RASGEF1C: variants seen among roughly 807,000 people sequenced by gnomAD.
RASGEF1C encodes the protein RasGEF domain family member 1C, also known as ras-GEF domain-containing family member 1C.
Under a neutral mutation model 58.1 loss-of-function variants are expected in RASGEF1C, and 27 were observed. That is an observed-to-expected ratio of 0.46 (90% CI 0.34 to 0.64). The LOEUF (loss-of-function observed/expected upper bound fraction) is 0.64, where lower values mean the gene tolerates loss of function less well. Among genes scored for constraint, RASGEF1C ranks in the 30% least tolerant of loss-of-function variants. The pLI, the probability that RASGEF1C is intolerant of heterozygous loss-of-function variation, is 0.01. For synonymous variants in RASGEF1C, 243 were observed against 246.3 expected (o/e 0.99, Z 0.13); for missense variants, 502 against 605.1 (o/e 0.83, Z 1.79).
At position 180,128,101 on chromosome 5, in the gene RASGEF1C, T is replaced by C. The variant is rs564344899; in HGVS notation, c.639+309A>G. Among the ~76,000 whole-genome samples, 376 of 152,298 alleles carry C rather than the reference T, an allele frequency of 2.5e-3. 2 individuals carry two copies. The highest frequency in any genetic ancestry group is 8.6e-3 in the African/African-American group (356 of 41,566). The stretch of plus-strand genomic sequence containing the variant: ...CCTTTCTGGGCCTTAGTTTCCTCTG[T>C]GTACAGGGCCTGCCTGGCCAGGTGA... On this transcript the variant is annotated intron_variant, in intron 5 of 13. Coordinates refer to ENST00000361132, the MANE Select transcript of RASGEF1C (RefSeq NM_175062.4).
intron 1 of RASGEF1C, among the ~76,000 whole-genome samples, chr5:180,160,035 C>T (rs377154883): frequency 9.8e-4 from 150 of 152,322 alleles, no homozygotes; most frequent in African/African-American, 1.9e-3. Flanking sequence ...AAAATTTGCC[C>T]CAGGGGATAC....
intron 1 of RASGEF1C, among the ~76,000 whole-genome samples, chr5:180,201,633 C>A (rs1219567871): frequency 6.6e-6 from 1 of 152,228 alleles, no homozygotes; most frequent in Admixed American, 6.5e-5. Flanking sequence ...ACACGCAACA[C>A]CTCAACTTGA....
At chr5:180,131,217 G>A (rs554828157) in intron 4 of RASGEF1C, among the ~76,000 whole-genome samples, 14 of 152,104 alleles carry the variant, frequency 9.2e-5, no homozygotes, top group Admixed American at 2.0e-4. Flanking sequence ...ATGCCTCCAT[G>A]GCTTGTGCAA....
At chr5:180,139,341 C>T (rs1481413330) in intron 1 of RASGEF1C, among the ~76,000 whole-genome samples, 1 of 152,226 alleles carries the variant, frequency 6.6e-6, no homozygotes, top group Non-Finnish European at 1.5e-5. Flanking sequence ...CTGAGGCTCC[C>T]CTGCTCATGC....
chr5:180,178,623 T>C (rs552674522), intron 1 of RASGEF1C, among the ~76,000 whole-genome samples: 1 of 152,054 alleles, frequency 6.6e-6, no homozygotes, highest in East Asian at 1.9e-4. Context: ...GTTTTCTGAG[T>C]CCTTAAGTCT....
At chr5:180,122,212 C>T (rs904077743) in intron 6 of RASGEF1C, among the ~76,000 whole-genome samples, 2 of 152,206 alleles carry the variant, frequency 1.3e-5, no homozygotes, top group Non-Finnish European at 2.9e-5. Flanking sequence ...CCCCCGGGAG[C>T]GATGGTTCTG....
chr5:180,181,238 G>A (rs1157033965), intron 1 of RASGEF1C, among the ~76,000 whole-genome samples: 3 of 152,146 alleles, frequency 2.0e-5, no homozygotes, highest in Non-Finnish European at 4.4e-5. Flanking sequence ...AAACATAAAA[G>A]ACTTAAAAAA....
At chr5:180,182,365 TACAGCTCTTAAAGGTGGCGCGG>T (rs1767357227) in intron 1 of RASGEF1C, among the ~76,000 whole-genome samples, 1 of 152,082 alleles carries the variant, frequency 6.6e-6, no homozygotes, top group African/African-American at 2.4e-5. Context: ...CGGTGAGTGT[TACAGCTCTTAAAGGTGGCGCGG>T]ACCCAAACAG....
chr5:180,152,412 A>AG (rs1766767295), intron 1 of RASGEF1C, among the ~76,000 whole-genome samples: 1 of 152,072 alleles, frequency 6.6e-6, no homozygotes, highest in Non-Finnish European at 1.5e-5. Context: ...TGTCTTTTGA[A>AG]GGGACATGGA....
chr5:180,113,624 G>T (rs1384720539), intron 11 of RASGEF1C, among the ~76,000 whole-genome samples: 4 of 95,526 alleles, frequency 4.2e-5, no homozygotes, highest in East Asian at 7.9e-4. Flanking sequence ...ATGGACGGAG[G>T]GATCCGGGGA....
In RASGEF1C at chr5:180,143,163, A is replaced by C. The variant is rs569269103; in HGVS notation, c.-6-5105T>G. Among the ~76,000 whole-genome samples the C allele has an allele frequency of 2.0e-5, 3 of 151,538 alleles. No homozygotes were observed. In the East Asian group the frequency reaches 5.8e-4, roughly 29 times the overall value. ...CAGGTCTGCAGAGAGACAGGCAGAC[A>C]GGGGACAGGATCCCACGTGCCACCC... On this transcript the variant is annotated intron_variant, in intron 1 of 13. Coordinates refer to ENST00000361132, the MANE Select transcript of RASGEF1C (RefSeq NM_175062.4). This position sits in a 1 kb window ranked among gnomAD's most constrained non-coding sequence, Gnocchi z 4.3.
chr5:180,151,402 G>C (rs1421279948), intron 1 of RASGEF1C, among the ~76,000 whole-genome samples: 3 of 152,188 alleles, frequency 2.0e-5, no homozygotes, highest in Admixed American at 6.5e-5. Flanking sequence ...AGAGCCCTCA[G>C]AAATAATGCT....
intron 6 of RASGEF1C, among the ~76,000 whole-genome samples, chr5:180,123,409 A>G (rs1447659072): frequency 6.6e-6 from 1 of 152,232 alleles, no homozygotes; most frequent in Non-Finnish European, 1.5e-5. Context: ...CAAACACGGA[A>G]ACTTGAACTT....
rs945348193 is a variant in RASGEF1C, at chr5:180,179,500, A to T, written c.-7+29528T>A. ...GGACAGGGGCGTGAAGGCAGAAGCC[A>T]GCCTGCACCAGCCTGCACCGACACC... On this transcript the variant is annotated intron_variant, in intron 1 of 13. Coordinates refer to ENST00000361132, the MANE Select transcript of RASGEF1C (RefSeq NM_175062.4). Among the ~76,000 whole-genome samples, 65 of 152,140 alleles carry T rather than the reference A, an allele frequency of 4.3e-4. 1 individual carries two copies. Among genetic ancestry groups the T allele is most frequent in the Non-Finnish European group, 4.4e-5 (3 of 68,008 alleles).
At chr5:180,171,785 G>A (rs540728123) in intron 1 of RASGEF1C, among the ~76,000 whole-genome samples, 25 of 152,354 alleles carry the variant, frequency 1.6e-4, no homozygotes, top group African/African-American at 5.3e-4. Flanking sequence ...TTCTCCCTGC[G>A]GCTTCTGGGA....
At chr5:180,165,396 G>T (rs1461767364) in intron 1 of RASGEF1C, among the ~76,000 whole-genome samples, 1 of 152,016 alleles carries the variant, frequency 6.6e-6, no homozygotes, top group East Asian at 1.9e-4. Flanking sequence ...TAGGCTGGGG[G>T]TGGTGGCTCA....
At chr5:180,184,556 G>T (rs1301987090) in intron 1 of RASGEF1C, among the ~76,000 whole-genome samples, 1 of 152,056 alleles carries the variant, frequency 6.6e-6, no homozygotes, top group Non-Finnish European at 1.5e-5. Flanking sequence ...CAGCCTGAGT[G>T]ACAGAGCAAG....
intron 1 of RASGEF1C, among the ~76,000 whole-genome samples, chr5:180,165,456 G>T (rs1767005898): frequency 6.6e-6 from 1 of 151,946 alleles, no homozygotes; most frequent in South Asian, 2.1e-4. Flanking sequence ...GATCACCTGA[G>T]GTCAGGAGTT....
intron 1 of RASGEF1C, among the ~76,000 whole-genome samples, chr5:180,193,449 C>G (rs904324471): frequency 6.6e-6 from 1 of 152,112 alleles, no homozygotes; most frequent in Non-Finnish European, 1.5e-5. Flanking sequence ...TTTGACAGGA[C>G]AGAGCTGCTA....
Sources: allele counts gnomAD v4.1 joint callset (sites outside exome capture counted in the v4.1 genomes callset), GRCh38; gene constraint gnomAD v4.1.1; non-coding constraint Gnocchi (gnomAD v3.1); transcripts MANE v1.5; gene names NCBI Gene and HGNC (gene_info 2026-07-23, HGNC 2026-07-21).